ARHGAP12: variants seen among roughly 807,000 people sequenced by gnomAD.
The protein encoded by ARHGAP12 is rho GTPase-activating protein 12.
In ARHGAP12, 64 loss-of-function variants were observed where a neutral mutation model predicts 108.6. The ratio of observed to expected loss-of-function variants is 0.59; its 90% confidence interval spans 0.48 to 0.73. The LOEUF (loss-of-function observed/expected upper bound fraction) is 0.73, where lower values mean the gene tolerates loss of function less well. Ranked by LOEUF, ARHGAP12 falls within the 30% of genes least tolerant of loss-of-function variation. The pLI is 0.00. For missense variants in ARHGAP12, 940 were observed against 1,005.9 expected (o/e 0.93, Z 0.89); for synonymous variants, 312 against 337.2 (o/e 0.93, Z 0.82).
chr10:31,928,500 T>C (rs968582661), intron 1 of ARHGAP12, among the ~76,000 whole-genome samples, 183 bp downstream of exon 1: 1 of 147,308 alleles, frequency 6.8e-6, no homozygotes, highest in East Asian at 2.0e-4. Context: ...AGCCCCTCGC[T>C]GCGCGCCCGA....
At chr10:31,858,682 T>C (rs770191888) in intron 4 of ARHGAP12, among the ~76,000 whole-genome samples, 9 of 152,126 alleles carry the variant, frequency 5.9e-5, no homozygotes, top group Non-Finnish European at 8.8e-5. Context: ...CTACGAATGA[T>C]TGTTCTAGGG....
chr10:31,820,806 G>A (rs1835388848), intron 11 of ARHGAP12, among the ~76,000 whole-genome samples: 1 of 150,596 alleles, frequency 6.6e-6, no homozygotes, highest in Admixed American at 6.6e-5. Context: ...TGTTGGTGAG[G>A]CTATAGACTA....
At chr10:31,871,761 C>T (rs1028213461) in intron 3 of ARHGAP12, among the ~76,000 whole-genome samples, 9 of 152,058 alleles carry the variant, frequency 5.9e-5, no homozygotes, top group African/African-American at 2.2e-4. Context: ...TGTATCTAGA[C>T]GGTTGACAGA....
At chr10:31,853,723 T>C (rs2808091) in intron 5 of ARHGAP12, among the ~76,000 whole-genome samples, 30,012 of 152,176 alleles carry the variant, frequency 0.2, 3,299 homozygotes, top group East Asian at 0.38. Context: ...TGAGGCGATG[T>C]ATGATAATGG....
At chr10:31,820,624 G>A in intron 11 of ARHGAP12, 136 bp from the exon 12 acceptor site, 1 of 446,562 alleles carries the variant, frequency 2.2e-6, no homozygotes, top group East Asian at 3.8e-5. Flanking sequence ...CTATTATAAA[G>A]TAACAATTTC....
At position 31,843,633 on chromosome 10, in the gene ARHGAP12, T is replaced by C. The variant is rs376478159; in HGVS notation, c.1171-47A>G. On this transcript the variant is annotated intron_variant, in intron 6 of 19. Coordinates refer to ENST00000344936, the MANE Select transcript of ARHGAP12 (RefSeq NM_018287.7). ...AACACAAAAAACAGTTCATAAACAA[T>C]AGAAATGAAAGTGGAATCTAAACAT... The C allele has an allele frequency of 7.1e-5, 107 of 1,517,264 alleles. No homozygotes were observed. In the East Asian group the frequency reaches 8.2e-4, roughly 12 times the overall value. The allele number at this position is 1,517,264 out of a possible 1,614,324, so 94.0% of individuals were successfully genotyped here. A position where few individuals can be genotyped will look rare whatever the true frequency, so the allele number is the denominator to read the frequency against.
intron 3 of ARHGAP12, among the ~76,000 whole-genome samples, chr10:31,880,211 C>T (rs1224423937): frequency 6.6e-6 from 1 of 152,116 alleles, no homozygotes; most frequent in Non-Finnish European, 1.5e-5. Flanking sequence ...TCAGTGGTTT[C>T]TCTTCCTTTG....
intron 3 of ARHGAP12, among the ~76,000 whole-genome samples, chr10:31,867,078 T>C (rs1383571005): frequency 6.6e-6 from 1 of 152,054 alleles, no homozygotes; most frequent in Non-Finnish European, 1.5e-5. Flanking sequence ...GGTAAAAAGT[T>C]AGTTTCTAGT....
At chr10:31,867,000 T>C (rs1430528033) in intron 3 of ARHGAP12, among the ~76,000 whole-genome samples, 1 of 152,210 alleles carries the variant, frequency 6.6e-6, no homozygotes, top group East Asian at 1.9e-4. Flanking sequence ...GGAATTATGT[T>C]TGAAATCTAG....
chr10:31,900,928 A>G (rs1242947484), intron 3 of ARHGAP12, among the ~76,000 whole-genome samples: 1 of 152,128 alleles, frequency 6.6e-6, no homozygotes, highest in African/African-American at 2.4e-5. Flanking sequence ...AAAATGTATG[A>G]AACTGGGCCG....
Position 31,806,595 on chromosome 10 carries a change from C to A in ARHGAP12, c.*1063G>T, listed in dbSNP as rs41289013. ...AATGTTTTCTGTACATATTAAATAA[C>A]CCAAAAGGTTCCTCTTGTAGTGCAT... On this transcript the variant is annotated 3_prime_UTR_variant, in exon 20 of 20. Coordinates refer to ENST00000344936, the MANE Select transcript of ARHGAP12 (RefSeq NM_018287.7). 2,574 of 152,608 alleles carry A rather than the reference C, an allele frequency of 0.017. 34 individuals carry two copies. The highest frequency in any genetic ancestry group is 0.025 in the Non-Finnish European group (1,733 of 67,980). The allele number at this position is 152,608 out of a possible 1,614,324, so 9.5% of individuals were successfully genotyped here. A position where few individuals can be genotyped will look rare whatever the true frequency, so the allele number is the denominator to read the frequency against.
intron 1 of ARHGAP12, among the ~76,000 whole-genome samples, chr10:31,928,161 GC>G (rs1233626061): frequency 6.8e-6 from 1 of 147,094 alleles, no homozygotes; most frequent in African/African-American, 2.5e-5. Context: ...GAGGGGCCGG[GC>G]CGGCCTTTTG....
intron 1 of ARHGAP12, among the ~76,000 whole-genome samples, chr10:31,912,254 G>A (rs1419227345): frequency 6.6e-6 from 1 of 152,190 alleles, no homozygotes; most frequent in Non-Finnish European, 1.5e-5. Context: ...ATACAGAGAT[G>A]AGCGAGGGAA....
chr10:31,919,763 G>A (rs1184979895), intron 1 of ARHGAP12, among the ~76,000 whole-genome samples: 3 of 149,694 alleles, frequency 2.0e-5, no homozygotes, highest in African/African-American at 7.4e-5. Flanking sequence ...TGCACCTCCA[G>A]CCTGGGCAAC....
Position 31,854,058 on chromosome 10 carries a change from G to T in ARHGAP12, c.1089+8C>A. On this transcript the variant is annotated splice_region_variant and intron_variant, in intron 5 of 19. Transcript: ENST00000344936. The stretch of plus-strand genomic sequence containing the variant: ...CAAAAAACACTAGATGAGAAAAAAA[G>T]AATGTACCTTTTCATTAGTATAGTC... The T allele has an allele frequency of 2.5e-6, 4 of 1,598,818 alleles. No individual in the cohort carries two copies. In the South Asian group the frequency reaches 4.6e-5, roughly 18 times the overall value.
intron 3 of ARHGAP12, among the ~76,000 whole-genome samples, chr10:31,890,495 C>A (rs988920599): frequency 2.6e-5 from 4 of 152,148 alleles, no homozygotes; most frequent in Non-Finnish European, 5.9e-5. Context: ...GCCTAAGATT[C>A]CTAACTTTAG....
At chr10:31,899,754 G>A (rs1337126408) in intron 3 of ARHGAP12, among the ~76,000 whole-genome samples, 1 of 152,166 alleles carries the variant, frequency 6.6e-6, no homozygotes, top group Non-Finnish European at 1.5e-5. Flanking sequence ...TATTTAAGGT[G>A]AGAAACTATA....
chr10:31,840,390 A>C (rs1320824589), intron 7 of ARHGAP12, among the ~76,000 whole-genome samples: 3 of 152,066 alleles, frequency 2.0e-5, no homozygotes, highest in African/African-American at 7.2e-5. Context: ...GTCAATATTA[A>C]AACACAGAAT....
chr10:31,901,365 C>G (rs561007467), intron 3 of ARHGAP12, among the ~76,000 whole-genome samples: 17 of 151,700 alleles, frequency 1.1e-4, no homozygotes, highest in Non-Finnish European at 2.1e-4. Context: ...AACCCCATCT[C>G]TACTAAAAAT....
Sources: allele counts gnomAD v4.1 joint callset (sites outside exome capture counted in the v4.1 genomes callset), GRCh38; gene constraint gnomAD v4.1.1; transcripts MANE v1.5; gene names NCBI Gene and HGNC (gene_info 2026-07-23, HGNC 2026-07-21).